The following BLTP3B variants were observed in gnomAD, a reference collection of about 807,000 sequenced individuals.
The protein encoded by BLTP3B is UHRF1 (ICBP90) binding protein 1-like.
chr12:100,085,964 A>G, the BLTP3B span, among the ~76,000 whole-genome samples: 34 of 152,100 alleles, frequency 2.2e-4, no homozygotes, highest in Non-Finnish European at 4.7e-4. Flanking sequence ...TTTGGTCACA[A>G]CTAACAAAAC....
chr12:100,099,367 C>T, the BLTP3B span, among the ~76,000 whole-genome samples: 1 of 151,516 alleles, frequency 6.6e-6, no homozygotes, highest in Non-Finnish European at 1.5e-5. Flanking sequence ...GTGGCTCACG[C>T]CTGTAATCTC....
At chr12:100,081,552 T>C in the BLTP3B span, among the ~76,000 whole-genome samples, 1 of 152,190 alleles carries the variant, frequency 6.6e-6, no homozygotes, top group East Asian at 1.9e-4. Flanking sequence ...AGTTTTTCAA[T>C]CCTCACCCTT....
the BLTP3B span, chr12:100,103,981 C>A: frequency 6.4e-7 from 1 of 1,551,192 alleles, no homozygotes; most frequent in South Asian, 1.2e-5. Context: ...AATTTAAGAT[C>A]AATCATTAAG....
chr12:100,042,620 A>T, the BLTP3B span, among the ~76,000 whole-genome samples: 5 of 152,202 alleles, frequency 3.3e-5, no homozygotes, highest in African/African-American at 1.2e-4. Context: ...TATACAGGAC[A>T]TCCAAAGCAC....
the BLTP3B span, chr12:100,095,554 T>A: frequency 2.5e-6 from 3 of 1,179,928 alleles, no homozygotes; most frequent in South Asian, 4.4e-5. Context: ...AAGAAGATTC[T>A]TGTACTCAAA....
chr12:100,069,601 TCAGAAA>T, the BLTP3B span, among the ~76,000 whole-genome samples: 253 of 152,058 alleles, frequency 1.7e-3, 1 homozygote, highest in African/African-American at 5.9e-3. Flanking sequence ...GTGAAGTAAC[TCAGAAA>T]CAGAAAACTA....
At chr12:100,131,378 T>G in the BLTP3B span, among the ~76,000 whole-genome samples, 1 of 151,602 alleles carries the variant, frequency 6.6e-6, no homozygotes, top group South Asian at 2.1e-4. Flanking sequence ...TTAAAAAATT[T>G]TTTAAAGATT....
the BLTP3B span, among the ~76,000 whole-genome samples, chr12:100,121,891 G>C: frequency 9.9e-5 from 15 of 151,920 alleles, no homozygotes; most frequent in Admixed American, 3.3e-4. Context: ...CTATAAATCA[G>C]TTATATTTTA....
the BLTP3B span, among the ~76,000 whole-genome samples, chr12:100,052,471 A>G: frequency 6.6e-6 from 1 of 152,156 alleles, no homozygotes; most frequent in African/African-American, 2.4e-5. Flanking sequence ...GTTATCCTTA[A>G]CCACTCTAAT....
At chr12:100,136,618 G>T in the BLTP3B span, among the ~76,000 whole-genome samples, 1 of 152,078 alleles carries the variant, frequency 6.6e-6, no homozygotes, top group Admixed American at 6.6e-5. Context: ...TATCAGTAAT[G>T]ATGTGAAGTT....
the BLTP3B span, chr12:100,070,291 T>A: frequency 1.8e-5 from 10 of 553,896 alleles, no homozygotes; most frequent in Non-Finnish European, 2.0e-5. Context: ...AATTAATTAA[T>A]TTTTTTTTTT....
chr12:100,060,503 T>C, the BLTP3B span, among the ~76,000 whole-genome samples: 2 of 152,190 alleles, frequency 1.3e-5, no homozygotes, highest in African/African-American at 2.4e-5. Context: ...TCTTCTAAAA[T>C]GAGAGAGCTA....
the BLTP3B span, chr12:100,047,836 T>C: frequency 8.2e-7 from 1 of 1,213,998 alleles, no homozygotes; most frequent in Non-Finnish European, 1.1e-6. Context: ...ATCATTTTAA[T>C]AAATGCTGAT....
At chr12:100,047,634 T>C in the BLTP3B span, 4 of 1,601,444 alleles carry the variant, frequency 2.5e-6, no homozygotes, top group Non-Finnish European at 3.4e-6. Context: ...CCGGGGACTA[T>C]CATCCTACAG....
At chr12:100,047,772 T>C in the BLTP3B span, 3 of 1,061,700 alleles carry the variant, frequency 2.8e-6, no homozygotes, top group South Asian at 1.6e-5. Context: ...TTGCCTGTTA[T>C]ATATTTCCTA....
At chr12:100,100,765 T>C in the BLTP3B span, among the ~76,000 whole-genome samples, 1 of 151,792 alleles carries the variant, frequency 6.6e-6, no homozygotes, top group South Asian at 2.1e-4. Flanking sequence ...ACTCAATGAA[T>C]GTATTCATTT....
chr12:100,102,850 T>C, the BLTP3B span: 5 of 1,591,900 alleles, frequency 3.1e-6, no homozygotes, highest in Non-Finnish European at 4.3e-6. Context: ...TATTACTTTA[T>C]CCAGGGACTA....
chr12:100,086,411 T>C, the BLTP3B span: 2 of 1,267,988 alleles, frequency 1.6e-6, no homozygotes, highest in Admixed American at 2.6e-5. Context: ...TCAGAAAGAT[T>C]TAATTTACCA....
the BLTP3B span, chr12:100,102,652 ATGTT>A: frequency 1.4e-6 from 1 of 707,080 alleles, no homozygotes; most frequent in Non-Finnish European, 2.3e-6. Flanking sequence ...AAATTGTAAA[ATGTT>A]TGATGGGAGA....
Sources: allele counts gnomAD v4.1 joint callset (sites outside exome capture counted in the v4.1 genomes callset), GRCh38; gene constraint gnomAD v4.1.1; transcripts MANE v1.5; gene names NCBI Gene and HGNC (gene_info 2026-07-23, HGNC 2026-07-21).